ATXN7L1: variants seen among roughly 807,000 people sequenced by gnomAD.
The protein encoded by ATXN7L1 is ataxin-7-like protein 1.
A neutral mutation model predicts 70.8 loss-of-function variants in ATXN7L1; 15 were observed. That is an observed-to-expected ratio of 0.21 (90% CI 0.14 to 0.33). ATXN7L1 has a LOEUF of 0.33. Ranked by LOEUF, ATXN7L1 falls within the 10% of genes least tolerant of loss-of-function variation. ATXN7L1 has a pLI of 1.00. For missense variants in ATXN7L1, 975 were observed against 1,097.1 expected, an observed-to-expected ratio of 0.89 and a Z score of 1.57; for synonymous variants, 440 against 445.1, an observed-to-expected ratio of 0.99 and a Z score of 0.14.
intron 4 of ATXN7L1, among the ~76,000 whole-genome samples, chr7:105,663,859 G>A (rs952362139): frequency 2.0e-5 from 3 of 151,862 alleles, no homozygotes; most frequent in African/African-American, 4.8e-5. Context: ...TCTGCCTCCC[G>A]GGTTGAAGCA....
At position 105,623,899 on chromosome 7, in the gene ATXN7L1, C is replaced by T. The variant is rs1721486; in HGVS notation, c.1395+176G>A. On this transcript the variant is annotated intron_variant, in intron 8 of 11. Transcript: ENST00000419735. ...AATAAGCTGGGAGCCCATTCCTTTC[C>T]TTTTGTAATGTTCAAGGGTATTTCT... Among the ~76,000 whole-genome samples, 5,664 of 152,286 alleles carry T rather than the reference C, an allele frequency of 0.037. 690 individuals carry two copies. In the East Asian group the frequency reaches 0.47, roughly 13 times the overall value.
Position 105,823,779 on chromosome 7 carries a change from T to C in ATXN7L1, c.251-35071A>G, listed in dbSNP as rs141528071. ...AGACAGGTGAGGAGTGATTGCTGAC[T>C]GGGCAGAGTGGAGGAAACAGTGATC... On this transcript the variant is annotated intron_variant, in intron 2 of 11. Coordinates refer to ENST00000419735, the MANE Select transcript of ATXN7L1 (RefSeq NM_020725.2). Among the ~76,000 whole-genome samples, 289 of 152,318 alleles carry C rather than the reference T, an allele frequency of 1.9e-3. 1 individual carries two copies. Among genetic ancestry groups the C allele is most frequent in the Non-Finnish European group, 3.2e-3 (221 of 68,026 alleles).
At chr7:105,683,204 T>G (rs1805754856) in intron 3 of ATXN7L1, among the ~76,000 whole-genome samples, 1 of 152,216 alleles carries the variant, frequency 6.6e-6, no homozygotes, top group Non-Finnish European at 1.5e-5. Flanking sequence ...ATGTGATACA[T>G]AAACACACAC....
rs901234316 is a variant in ATXN7L1 at position 105,639,583 on chromosome 7, C to T, written c.863-14G>A. On this transcript the variant is annotated splice_polypyrimidine_tract_variant and intron_variant, in intron 5 of 11. Transcript: ENST00000419735. ...CAAATTCTCTCTCTGGTTTAAGAAA[C>T]AAACAAAAAATATAAGAAAAAAGGA... 6.5e-7 allele frequency: 1 copy of T among 1,528,020 alleles called. No individual in the cohort carries two copies. Among genetic ancestry groups the T allele is most frequent in the Non-Finnish European group, 8.9e-7 (1 of 1,129,336 alleles). The allele number at this position is 1,528,020 out of a possible 1,614,324, so 94.7% of individuals were successfully genotyped here.
At chr7:105,761,201 A>G in intron 3 of ATXN7L1, 1 of 1,426,862 alleles carries the variant, frequency 7.0e-7, no homozygotes, top group East Asian at 2.6e-5. Context: ...GCTCTGCTCA[A>G]GCCCATTTCC....
intron 4 of ATXN7L1, among the ~76,000 whole-genome samples, chr7:105,643,665 G>T (rs544092358): frequency 6.6e-6 from 1 of 152,240 alleles, no homozygotes; most frequent in Non-Finnish European, 1.5e-5. Flanking sequence ...GCTGTCGGAC[G>T]GCTTCTGGAT....
chr7:105,620,863 C>G (rs1406021804), intron 8 of ATXN7L1, among the ~76,000 whole-genome samples: 1 of 148,660 alleles, frequency 6.7e-6, no homozygotes, highest in Non-Finnish European at 1.5e-5. Flanking sequence ...CCACTGCACT[C>G]CAGCCTGGGT....
At chr7:105,821,025 C>T (rs549237813) in intron 2 of ATXN7L1, among the ~76,000 whole-genome samples, 37 of 152,146 alleles carry the variant, frequency 2.4e-4, no homozygotes, top group Admixed American at 3.3e-4. Context: ...CCAATGAAAC[C>T]TCTGTTTTTT....
chr7:105,614,107 A>T lies in ATXN7L1; in HGVS notation c.2227T>A (p.Cys743Ser). The T allele has an allele frequency of 1.3e-6, 2 of 1,551,646 alleles. No homozygotes were observed. ...VGAVGGSSDS[C>S]PLSVPSLALH... ...GCAAGGGAGGGCACAGAGAGGGGACAGGAGTCACTGCTGCCTCCCACCGCG... is the reference window on the plus strand; with the variant it reads ...GCAAGGGAGGGCACAGAGAGGGGACTGGAGTCACTGCTGCCTCCCACCGCG... The change falls in exon 10 of 12, where the codon TGT becomes AGT. Residue 743 changes from cysteine (C) to serine (S), a missense_variant. Physicochemically the swap from Cys to Ser is moderately radical, Grantham distance 112. This residue lies in a region of ATXN7L1 where 635 missense variants were observed against 699.4 expected (regional missense o/e 0.91). Coordinates refer to ENST00000419735, the MANE Select transcript of ATXN7L1 (RefSeq NM_020725.2). This position sits in a 1 kb window ranked among gnomAD's most constrained non-coding sequence, Gnocchi z 4.3.
At chr7:105,826,197 T>C (rs1219095105) in intron 2 of ATXN7L1, among the ~76,000 whole-genome samples, 9 of 152,234 alleles carry the variant, frequency 5.9e-5, no homozygotes, top group African/African-American at 1.9e-4. Flanking sequence ...AACTTGGCTT[T>C]TAAACTGTAC....
intron 3 of ATXN7L1, among the ~76,000 whole-genome samples, chr7:105,784,813 C>A (rs1804055311): frequency 1.3e-5 from 2 of 152,174 alleles, no homozygotes; most frequent in African/African-American, 4.8e-5. Flanking sequence ...TCGTGAATTG[C>A]TTTGTCTCAT....
Position 105,721,993 on chromosome 7 carries a change from TGTGA to T in ATXN7L1, c.356-56709_356-56706del, listed in dbSNP as rs201268386. Reference sequence around the variant, plus strand: ...GTGCTCTCTTTTTAAGAGGGGTGTGTGTGAGTGAGTGAGTGAGTGTGTGTATGCG... The same window carrying T: ...GTGCTCTCTTTTTAAGAGGGGTGTGTGTGAGTGAGTGAGTGTGTGTATGCG... On this transcript the variant is annotated intron_variant, in intron 3 of 11. Transcript: ENST00000419735. Among the ~76,000 whole-genome samples, 318 of 152,344 alleles carry T rather than the reference TGTGA, an allele frequency of 2.1e-3. 2 individuals carry two copies. Among genetic ancestry groups the T allele is most frequent in the South Asian group, 0.019 (91 of 4,826 alleles).
At chr7:105,799,410 C>T (rs138326480) in intron 2 of ATXN7L1, among the ~76,000 whole-genome samples, 62 of 152,216 alleles carry the variant, frequency 4.1e-4, no homozygotes, top group Middle Eastern at 3.4e-3. Context: ...GAAGAAGAGA[C>T]ACACTGCTCG....
chr7:105,711,634 C>G (rs11535283), intron 3 of ATXN7L1, among the ~76,000 whole-genome samples: 39,286 of 152,188 alleles, frequency 0.26, 5,198 homozygotes, highest in African/African-American at 0.32. Flanking sequence ...CCAGGCAACA[C>G]TGACATAAGC....
chr7:105,642,373 C>T (rs759242872), intron 5 of ATXN7L1, among the ~76,000 whole-genome samples: 7 of 152,258 alleles, frequency 4.6e-5, no homozygotes, highest in Non-Finnish European at 8.8e-5. Context: ...GGCCAAAGGA[C>T]AGAGGCTGTG....
intron 3 of ATXN7L1, among the ~76,000 whole-genome samples, chr7:105,784,753 G>T (rs959011887): frequency 3.9e-5 from 6 of 152,204 alleles, no homozygotes; most frequent in Non-Finnish European, 8.8e-5. Flanking sequence ...AGAAATGGAG[G>T]TGAAGAGGGA....
intron 3 of ATXN7L1, among the ~76,000 whole-genome samples, chr7:105,716,709 A>ACG (rs1283440333): frequency 1.8e-5 from 2 of 112,482 alleles, no homozygotes; most frequent in Non-Finnish European, 3.5e-5. Context: ...ACACACACAC[A>ACG]CACACACACA....
At chr7:105,729,254 C>A (rs968978811) in intron 3 of ATXN7L1, among the ~76,000 whole-genome samples, 2 of 150,514 alleles carry the variant, frequency 1.3e-5, no homozygotes, top group Non-Finnish European at 3.0e-5. Flanking sequence ...CTGGGTGACA[C>A]AATGAGACTC....
chr7:105,747,050 G>T (rs748143478), intron 3 of ATXN7L1, among the ~76,000 whole-genome samples: 1 of 152,156 alleles, frequency 6.6e-6, no homozygotes, highest in Non-Finnish European at 1.5e-5. Context: ...TATATATTTG[G>T]TCTTCAACCC....
Sources: allele counts gnomAD v4.1 joint callset (sites outside exome capture counted in the v4.1 genomes callset), GRCh38; gene constraint gnomAD v4.1.1; regional missense constraint gnomAD v4.1.1; non-coding constraint Gnocchi (gnomAD v3.1); transcripts MANE v1.5; gene names NCBI Gene and HGNC (gene_info 2026-07-23, HGNC 2026-07-21).